The following ZNF438 variants were observed in gnomAD, a reference collection of about 807,000 sequenced individuals.
ZNF438 encodes the protein zinc finger protein 438.
Under a neutral mutation model 38.0 loss-of-function variants are expected in ZNF438, and 25 were observed. The observed-to-expected ratio is 0.66, with a 90% CI of 0.48 to 0.92. The LOEUF (loss-of-function observed/expected upper bound fraction) is 0.92. ZNF438 is among the 40% of genes least tolerant of loss of function. The pLI is 0.00. For missense variants in ZNF438, 1,007 were observed against 999.6 expected, an observed-to-expected ratio of 1.01 and a Z score of -0.10; for synonymous variants, 372 against 364.1, an observed-to-expected ratio of 1.02 and a Z score of -0.25.
rs1392953339 is a variant in ZNF438, at chr10:30,850,370, G to A, written c.38-3C>T. On this transcript the variant is annotated splice_polypyrimidine_tract_variant and splice_region_variant and intron_variant, in intron 4 of 5. Transcript: ENST00000413025. ...TCCAGAAGGGATGTTTGATTCACCT[G>A]CAATGACAATAAAATATAAAGAGTT... The A allele has an allele frequency of 6.2e-7, 1 of 1,607,810 alleles. No individual in the cohort carries two copies. Among genetic ancestry groups the A allele is most frequent in the Non-Finnish European group, 8.5e-7 (1 of 1,176,760 alleles).
chr10:30,956,812 T>C (rs948854995), intron 1 of ZNF438, among the ~76,000 whole-genome samples: 1 of 152,198 alleles, frequency 6.6e-6, no homozygotes, highest in African/African-American at 2.4e-5. Flanking sequence ...GTTGATTCCA[T>C]ATCTTGGCTA....
chr10:30,915,905 A>G (rs1458355404), intron 2 of ZNF438, among the ~76,000 whole-genome samples: 8 of 152,170 alleles, frequency 5.3e-5, no homozygotes, highest in Non-Finnish European at 8.8e-5. Flanking sequence ...TATCTGGCCC[A>G]TCCTATTTTA....
intron 3 of ZNF438, among the ~76,000 whole-genome samples, chr10:30,886,744 T>C (rs939925655): frequency 3.3e-5 from 5 of 152,204 alleles, no homozygotes; most frequent in South Asian, 2.1e-4. Context: ...CATTGTAAAG[T>C]TGAAAAATCT....
chr10:30,845,654 G>A (rs2031831544), intron 5 of ZNF438, 81 bp from the exon 7 acceptor site: 1 of 1,507,666 alleles, frequency 6.6e-7, no homozygotes. Flanking sequence ...TCAGCCTTCA[G>A]GGATCTAAAA....
At chr10:30,855,917 A>T (rs1347875829) in intron 4 of ZNF438, among the ~76,000 whole-genome samples, 1 of 152,256 alleles carries the variant, frequency 6.6e-6, no homozygotes, top group Non-Finnish European at 1.5e-5. Context: ...GGAACTAAGA[A>T]GTCAGGAATG....
chr10:31,021,032 C>T (rs1160206299), intron 1 of ZNF438, among the ~76,000 whole-genome samples: 1 of 148,008 alleles, frequency 6.8e-6, no homozygotes, highest in Non-Finnish European at 1.5e-5. Flanking sequence ...GAAATAGGGG[C>T]TGCATATAAA....
intron 2 of ZNF438, among the ~76,000 whole-genome samples, chr10:30,926,135 A>C (rs759261709): frequency 3.9e-5 from 6 of 152,210 alleles, no homozygotes; most frequent in Non-Finnish European, 4.4e-5. Context: ...GGTTTAAAGT[A>C]GGCAATTAAC....
chr10:31,010,416 A>T (rs2055561874), intron 1 of ZNF438, among the ~76,000 whole-genome samples: 2 of 152,206 alleles, frequency 1.3e-5, no homozygotes, highest in African/African-American at 4.8e-5. Flanking sequence ...TTCAGAGCTG[A>T]GGGACCAAAT....
At chr10:30,991,916 T>C (rs3006583) in intron 1 of ZNF438, among the ~76,000 whole-genome samples, 18,257 of 152,198 alleles carry the variant, frequency 0.12, 1,442 homozygotes, top group Middle Eastern at 0.22. Context: ...GATCAAACAG[T>C]GGCTGAACAA....
chr10:30,887,021 T>C (rs1390412406), intron 3 of ZNF438, among the ~76,000 whole-genome samples: 2 of 152,176 alleles, frequency 1.3e-5, no homozygotes, highest in Non-Finnish European at 2.9e-5. Context: ...CTAATTCCTA[T>C]ATATTGCAAA....
intron 1 of ZNF438, among the ~76,000 whole-genome samples, chr10:31,017,579 A>G (rs1237817125): frequency 5.9e-5 from 9 of 152,244 alleles, no homozygotes; most frequent in Non-Finnish European, 1.2e-4. Context: ...TAATCTGGTC[A>G]TAGATATTAA....
At chr10:30,917,427 C>T (rs1159137461) in intron 2 of ZNF438, among the ~76,000 whole-genome samples, 1 of 152,042 alleles carries the variant, frequency 6.6e-6, no homozygotes, top group Admixed American at 6.6e-5. Context: ...TAAGAAACTG[C>T]CAGATCTTTT....
At chr10:30,953,669 C>CA (rs141368082) in intron 1 of ZNF438, among the ~76,000 whole-genome samples, 5 of 144,098 alleles carry the variant, frequency 3.5e-5, no homozygotes, top group East Asian at 4.0e-4. Flanking sequence ...CACACACACA[C>CA]AAAAAAAAAA....
chr10:30,861,264 T>C, intron 4 of ZNF438, among the ~76,000 whole-genome samples: 1 of 152,210 alleles, frequency 6.6e-6, no homozygotes, highest in African/African-American at 2.4e-5. Flanking sequence ...GCAATGTAAA[T>C]ACTATGTAAA....
intron 4 of ZNF438, among the ~76,000 whole-genome samples, chr10:30,867,113 A>C (rs2036576214): frequency 6.6e-6 from 1 of 152,218 alleles, no homozygotes; most frequent in Non-Finnish European, 1.5e-5. Flanking sequence ...AGTATCAAAG[A>C]AAAATATCCA....
At chr10:30,909,204 TAAGA>T (rs756412880) in intron 2 of ZNF438, among the ~76,000 whole-genome samples, 189 bp from the exon 4 acceptor site, 6 of 152,222 alleles carry the variant, frequency 3.9e-5, no homozygotes, top group Non-Finnish European at 5.9e-5. Context: ...AGTAAAGTAC[TAAGA>T]TTTTTTTAAA....
chr10:30,845,693 G>A, intron 5 of ZNF438, 120 bp from the exon 7 acceptor site: 1 of 1,244,290 alleles, frequency 8.0e-7, no homozygotes, highest in Non-Finnish European at 1.1e-6. Context: ...GACAAGGGCT[G>A]GGGTAAACAG....
At chr10:30,953,844 A>G (rs2048544929) in intron 1 of ZNF438, among the ~76,000 whole-genome samples, 1 of 152,156 alleles carries the variant, frequency 6.6e-6, no homozygotes, top group African/African-American at 2.4e-5. Context: ...CCTCACATGA[A>G]ATAGAAAAGA....
At chr10:30,973,149 G>C (rs1253159435) in intron 1 of ZNF438, among the ~76,000 whole-genome samples, 1 of 152,182 alleles carries the variant, frequency 6.6e-6, no homozygotes, top group Non-Finnish European at 1.5e-5. Flanking sequence ...GCAGAAATCT[G>C]AAAGTATAGG....
Sources: gnomAD v4.1 joint callset for allele counts (sites outside exome capture counted in the v4.1 genomes callset) on GRCh38, gnomAD v4.1.1 for gene constraint, MANE v1.5 for transcripts, NCBI Gene and HGNC (gene_info 2026-07-23, HGNC 2026-07-21) for gene names.